Variants in PDE4D observed in about 807,000 individuals in gnomAD.
The protein encoded by PDE4D is phosphodiesterase 4D.
A neutral mutation model predicts 87.4 loss-of-function variants in PDE4D; 24 were observed. The ratio of observed to expected loss-of-function variants is 0.27; its 90% CI spans 0.20 to 0.39. The LOEUF is 0.39. Among genes scored for constraint, PDE4D ranks in the 10% least tolerant of loss-of-function variants. PDE4D has a pLI of 1.00. For synonymous variants in PDE4D, 384 were observed against 383.2 expected (o/e 1.00, Z -0.02); for missense variants, 714 against 1,041.0 (o/e 0.69, Z 4.32).
At chr5:59,283,384 G>A (rs1766227297) in intron 1 of PDE4D, among the ~76,000 whole-genome samples, 1 of 151,834 alleles carries the variant, frequency 6.6e-6, no homozygotes, top group Non-Finnish European at 1.5e-5. Context: ...CACATCTAAG[G>A]TTTTTTTCTC....
At chr5:60,084,497 G>GA (rs111964867) in intron 2 of PDE4D, among the ~76,000 whole-genome samples, 84 of 145,430 alleles carry the variant, frequency 5.8e-4, no homozygotes, top group African/African-American at 1.3e-3. Context: ...CTTCTTTCCA[G>GA]AAAAAAAAAA....
chr5:59,590,949 G>C (rs1250751685), intron 1 of PDE4D, among the ~76,000 whole-genome samples: 1 of 152,068 alleles, frequency 6.6e-6, no homozygotes, highest in Non-Finnish European at 1.5e-5. Flanking sequence ...TTCTCTCATG[G>C]TTATAGGGTT....
At chr5:59,525,960 A>G (rs543087379) in intron 1 of PDE4D, among the ~76,000 whole-genome samples, 15 of 152,118 alleles carry the variant, frequency 9.9e-5, no homozygotes, top group Non-Finnish European at 1.8e-4. Context: ...TTTATAAATT[A>G]CCATATCTCA....
At chr5:59,469,749 T>C (rs1463062392) in intron 1 of PDE4D, among the ~76,000 whole-genome samples, 1 of 152,172 alleles carries the variant, frequency 6.6e-6, no homozygotes, top group Non-Finnish European at 1.5e-5. Context: ...ATGGGACTTT[T>C]GGGAGAGTAG....
chr5:59,341,794 G>C (rs1214700686), intron 1 of PDE4D, among the ~76,000 whole-genome samples: 1 of 152,032 alleles, frequency 6.6e-6, no homozygotes, highest in Non-Finnish European at 1.5e-5. Flanking sequence ...AATCAGTCTT[G>C]TTTCATAAAT....
At chr5:60,337,001 GTAGAAC>G (rs1757807687) in intron 1 of PDE4D, among the ~76,000 whole-genome samples, 1 of 151,866 alleles carries the variant, frequency 6.6e-6, no homozygotes, top group Non-Finnish European at 1.5e-5. Flanking sequence ...CTGGAAAGTT[GTAGAAC>G]TATGATAACT....
chr5:60,395,631 AG>A, intron 1 of PDE4D, among the ~76,000 whole-genome samples: 1 of 152,200 alleles, frequency 6.6e-6, no homozygotes, highest in Non-Finnish European at 1.5e-5. Flanking sequence ...GATGAGGGAA[AG>A]GAATTGCTGA....
chr5:59,825,548 C>G (rs1770224467), intron 1 of PDE4D, among the ~76,000 whole-genome samples: 1 of 152,232 alleles, frequency 6.6e-6, no homozygotes, highest in Non-Finnish European at 1.5e-5. Flanking sequence ...TAGTTCTTGT[C>G]CATGGTGGCC....
At chr5:60,149,435 C>T (rs1219609469) in intron 2 of PDE4D, among the ~76,000 whole-genome samples, 1 of 152,154 alleles carries the variant, frequency 6.6e-6, no homozygotes, top group Non-Finnish European at 1.5e-5. Context: ...GACCTAATTA[C>T]CTCTTAAAAG....
chr5:60,233,928 T>C (rs1011827898), intron 1 of PDE4D, among the ~76,000 whole-genome samples: 1 of 151,856 alleles, frequency 6.6e-6, no homozygotes, highest in Non-Finnish European at 1.5e-5. Context: ...CTACATACCA[T>C]GCTATCTCAA....
intron 1 of PDE4D, among the ~76,000 whole-genome samples, chr5:60,310,975 C>A (rs974566645): frequency 5.3e-5 from 8 of 151,582 alleles, no homozygotes; most frequent in African/African-American, 1.9e-4. Context: ...CACACTTAGG[C>A]AATTTTTATT....
intron 1 of PDE4D, among the ~76,000 whole-genome samples, chr5:59,821,462 ACTGT>A (rs10556657): frequency 0.15 from 23,342 of 152,022 alleles, 2,133 homozygotes; most frequent in African/African-American, 0.25. Flanking sequence ...ATGAATAAAG[ACTGT>A]CTATTTCATT....
chr5:59,667,854 C>T (rs1043989396), intron 1 of PDE4D, among the ~76,000 whole-genome samples: 1 of 152,182 alleles, frequency 6.6e-6, no homozygotes, highest in Admixed American at 6.5e-5. Flanking sequence ...GATCTTCCTG[C>T]GGCATTCCAT....
chr5:60,176,007 A>T (rs1783871402), intron 2 of PDE4D, among the ~76,000 whole-genome samples: 1 of 151,918 alleles, frequency 6.6e-6, no homozygotes. Flanking sequence ...TTGCCAATTA[A>T]CTCTTTTGTT....
intron 1 of PDE4D, among the ~76,000 whole-genome samples, chr5:59,335,392 A>G (rs1186969318): frequency 6.6e-6 from 1 of 152,198 alleles, no homozygotes; most frequent in Non-Finnish European, 1.5e-5. Flanking sequence ...ACTCAGGAAA[A>G]GGGAGGATGG....
At chr5:60,137,881 T>C (rs1204099655) in intron 2 of PDE4D, among the ~76,000 whole-genome samples, 1 of 152,182 alleles carries the variant, frequency 6.6e-6, no homozygotes, top group East Asian at 1.9e-4. Context: ...CTGAATGGTA[T>C]TGCCCAGATT....
At chr5:60,427,826 C>T (rs1743850160) in intron 1 of PDE4D, among the ~76,000 whole-genome samples, 1 of 152,130 alleles carries the variant, frequency 6.6e-6, no homozygotes, top group African/African-American at 2.4e-5. Flanking sequence ...GATCCCAGCA[C>T]TTTGGGAGGC....
At chr5:60,396,659 A>G (rs1186915770) in intron 1 of PDE4D, among the ~76,000 whole-genome samples, 1 of 152,060 alleles carries the variant, frequency 6.6e-6, no homozygotes, top group Admixed American at 6.6e-5. Flanking sequence ...TCGTGAGTAG[A>G]TGGGACTTCA....
chr5:59,102,081 C>CTTTTTTT (rs34811771), intron 5 of PDE4D, among the ~76,000 whole-genome samples: 1 of 96,170 alleles, frequency 1.0e-5, no homozygotes, highest in Non-Finnish European at 2.0e-5. Flanking sequence ...TTTTTCCCTA[C>CTTTTTTT]TTTTTTTTTT....
Sources: allele counts gnomAD v4.1 joint callset (sites outside exome capture counted in the v4.1 genomes callset), GRCh38; gene constraint gnomAD v4.1.1; transcripts MANE v1.5; gene names NCBI Gene and HGNC (gene_info 2026-07-23, HGNC 2026-07-21).